RPL22L1: variants seen among roughly 807,000 people sequenced by gnomAD.
The protein encoded by RPL22L1 is ribosomal protein eL22-like.
A neutral mutation model predicts 17.3 loss-of-function variants in RPL22L1; 19 were observed. The ratio of observed to expected loss-of-function variants is 1.10; its 90% CI spans 0.77 to 1.61. The LOEUF (loss-of-function observed/expected upper bound fraction) is 1.61. RPL22L1 is among the 40% of genes most tolerant of loss of function. The pLI, the probability that RPL22L1 is intolerant of heterozygous loss-of-function variation, is 0.00. For synonymous variants in RPL22L1, 48 were observed against 48.5 expected, an observed-to-expected ratio of 0.99 and a Z score of 0.05; for missense variants, 139 against 144.4, an observed-to-expected ratio of 0.96 and a Z score of 0.19.
chr3:170,868,263 G>GTAATTGATAACCATTATCA, intron 2 of RPL22L1, 35 bp downstream of exon 2: 2 of 1,504,298 alleles, frequency 1.3e-6, no homozygotes, highest in South Asian at 2.3e-5. Context: ...CAATAACTCT[G>GTAATTGATAACCATTATCA]ATTACAAAAA....
chr3:170,868,224 T>C (rs765323078), intron 2 of RPL22L1, 74 bp downstream of exon 2: 65 of 1,448,184 alleles, frequency 4.5e-5, no homozygotes, highest in Non-Finnish European at 5.9e-5. Flanking sequence ...CTTAGGTTAT[T>C]ATCAAATACT....
At position 170,865,728 on chromosome 3, in the gene RPL22L1, A is replaced by G. The variant is rs2108278883; in HGVS notation, c.*652T>C. 1 of 152,386 alleles carries G rather than the reference A, an allele frequency of 6.6e-6. No homozygotes were observed. The highest frequency in any genetic ancestry group is 2.4e-5 in the African/African-American group (1 of 41,592). The allele number at this position is 152,386 out of a possible 1,614,324, so 9.4% of individuals were successfully genotyped here. A position where few individuals can be genotyped will look rare whatever the true frequency, so the allele number is the denominator to read the frequency against. ...GAGTCTTTGGGCTAACTATAAGAGC[A>G]AACTACAGAGCAACTTATATGTAAG... is the stretch of plus-strand genomic sequence containing the variant. On this transcript the variant is annotated 3_prime_UTR_variant, in exon 4 of 4. Coordinates refer to ENST00000295830, the MANE Select transcript of RPL22L1 (RefSeq NM_001099645.2).
At chr3:170,866,562 A>G (rs1711773584) in intron 3 of RPL22L1, 38 bp from the exon 4 acceptor site, 5 of 1,445,906 alleles carry the variant, frequency 3.5e-6, no homozygotes, top group Non-Finnish European at 4.7e-6. Flanking sequence ...TAAGAAATAC[A>G]ATTCCTACTA....
intron 1 of RPL22L1, among the ~76,000 whole-genome samples, chr3:170,868,596 T>C (rs1163080893): frequency 6.6e-6 from 1 of 151,982 alleles, no homozygotes; most frequent in Non-Finnish European, 1.5e-5. Context: ...GTTCAAGTTG[T>C]CAAAAAGTTA....
rs188298446 is a variant in RPL22L1 at position 170,870,045 on chromosome 3, A to G, written c.9+114T>C. On this transcript the variant is annotated intron_variant, in intron 1 of 3. Transcript: ENST00000295830. The stretch of plus-strand genomic sequence containing the variant: ...TTGTGTTTCTGACCCAGACTTCACT[A>G]CTCCCCTCCCTTTATCTTGACTGAG... The G allele has an allele frequency of 8.9e-3, 12,990 of 1,464,822 alleles. 86 individuals are homozygous for G. The highest frequency in any genetic ancestry group is 0.024 in the Middle Eastern group (137 of 5,796). The allele number at this position is 1,464,822 out of a possible 1,614,324, so 90.7% of individuals were successfully genotyped here.
chr3:170,868,451 A>C, intron 1 of RPL22L1, 61 bp from the exon 2 acceptor site: 1 of 1,044,358 alleles, frequency 9.6e-7, no homozygotes, highest in Non-Finnish European at 1.5e-6. Context: ...TTATATAAAC[A>C]ATTTTAAAGT....
Position 170,865,619 on chromosome 3 carries a change from T to G in RPL22L1, c.*761A>C, listed in dbSNP as rs1711724940. Reference sequence around the variant, plus strand: ...TCTGTAGCTGAGTTGAGATTTGGTTTTGAGTTTCTGGTGCCTACAAAGCAG... The same window carrying G: ...TCTGTAGCTGAGTTGAGATTTGGTTGTGAGTTTCTGGTGCCTACAAAGCAG... On this transcript the variant is annotated 3_prime_UTR_variant, in exon 4 of 4. Transcript: ENST00000295830. 1 of 152,154 alleles carries G rather than the reference T, an allele frequency of 6.6e-6. No individual in the cohort carries two copies. Among genetic ancestry groups the G allele is most frequent in the South Asian group, 2.1e-4 (1 of 4,820 alleles). The allele number at this position is 152,154 out of a possible 1,614,324, so 9.4% of individuals were successfully genotyped here.
chr3:170,868,835 G>C (rs939471108), intron 1 of RPL22L1, among the ~76,000 whole-genome samples: 1 of 148,914 alleles, frequency 6.7e-6, no homozygotes, highest in Non-Finnish European at 1.5e-5. Context: ...AAAAGAAAAA[G>C]AAAAAATAAA....
chr3:170,867,654 C>G (rs1420797677), intron 3 of RPL22L1, among the ~76,000 whole-genome samples: 1 of 152,108 alleles, frequency 6.6e-6, no homozygotes, highest in Non-Finnish European at 1.5e-5. Flanking sequence ...TAACTGGCTA[C>G]CTCTACTGAA....
intron 1 of RPL22L1, among the ~76,000 whole-genome samples, chr3:170,869,497 T>C (rs1454134355): frequency 1.3e-5 from 2 of 152,202 alleles, no homozygotes; most frequent in African/African-American, 2.4e-5. Flanking sequence ...AGCCCAGCAA[T>C]TTTATCCTAA....
intron 1 of RPL22L1, among the ~76,000 whole-genome samples, chr3:170,869,777 C>T (rs1001383133): frequency 2.6e-5 from 4 of 152,074 alleles, no homozygotes; most frequent in South Asian, 2.1e-4. Flanking sequence ...GTCGTCAGAC[C>T]GGCCCGATTA....
chr3:170,867,276 C>T (rs937741035), intron 3 of RPL22L1, among the ~76,000 whole-genome samples: 1 of 152,204 alleles, frequency 6.6e-6, no homozygotes, highest in African/African-American at 2.4e-5. Flanking sequence ...CCTCCAATCT[C>T]ATGCATTCCT....
intron 1 of RPL22L1, among the ~76,000 whole-genome samples, chr3:170,868,987 G>A (rs1163831992): frequency 6.6e-6 from 1 of 151,758 alleles, no homozygotes; most frequent in Non-Finnish European, 1.5e-5. Flanking sequence ...CAGGTGTGGT[G>A]GTGCATGCTT....
At position 170,870,175 on chromosome 3, in the gene RPL22L1, G is replaced by A; in HGVS notation, c.-8C>T. The A allele has an allele frequency of 1.9e-6, 3 of 1,613,870 alleles. No individual in the cohort carries two copies. Among genetic ancestry groups the A allele is most frequent in the East Asian group, 2.2e-5 (1 of 44,858 alleles). On this transcript the variant is annotated 5_prime_UTR_variant, in exon 1 of 4. Coordinates refer to ENST00000295830, the MANE Select transcript of RPL22L1 (RefSeq NM_001099645.2). ...CTCACTCACCGGCGCCATCTTGCGA[G>A]TCGGCCGCGAGAGCAGAGAGGAAGC...
chr3:170,867,576 A>G (rs944065059), intron 3 of RPL22L1, among the ~76,000 whole-genome samples: 5 of 152,196 alleles, frequency 3.3e-5, no homozygotes, highest in Non-Finnish European at 7.3e-5. Context: ...CTGCCCATGT[A>G]GTATTTAATA....
In RPL22L1 at chr3:170,866,329, A is replaced by G; in HGVS notation, c.*51T>C. On this transcript the variant is annotated 3_prime_UTR_variant, in exon 4 of 4. Transcript: ENST00000295830. The stretch of plus-strand genomic sequence containing the variant: ...GCCAATTTCTTGGTATTTCTCATGT[A>G]TACTTCATTTATTTTATTAATAAGC... The G allele has an allele frequency of 1.4e-6, 2 of 1,465,672 alleles. No homozygotes were observed. Among genetic ancestry groups the G allele is most frequent in the South Asian group, 2.7e-5 (2 of 74,634 alleles). The allele number at this position is 1,465,672 out of a possible 1,614,324, so 90.8% of individuals were successfully genotyped here. A position where few individuals can be genotyped will look rare whatever the true frequency, so the allele number is the denominator to read the frequency against.
At chr3:170,867,885 T>G (rs1711829332) in intron 3 of RPL22L1, 128 bp downstream of exon 3, 1 of 767,520 alleles carries the variant, frequency 1.3e-6, no homozygotes, top group Non-Finnish European at 2.0e-6. Context: ...AATTTCCCAT[T>G]TATGTAGGCC....
At chr3:170,868,820 A>AG (rs1711874461) in intron 1 of RPL22L1, among the ~76,000 whole-genome samples, 1 of 124,936 alleles carries the variant, frequency 8.0e-6, no homozygotes, top group East Asian at 2.0e-4. Flanking sequence ...AAAAAAAAAG[A>AG]AAAGAAAAGA....
At chr3:170,867,744 T>C (rs1465649951) in intron 3 of RPL22L1, among the ~76,000 whole-genome samples, 1 of 152,194 alleles carries the variant, frequency 6.6e-6, no homozygotes, top group Admixed American at 6.5e-5. Flanking sequence ...GTACTCAGCA[T>C]TAAAGGTTAT....
Sources: gnomAD v4.1 joint callset for allele counts (sites outside exome capture counted in the v4.1 genomes callset) on GRCh38, gnomAD v4.1.1 for gene constraint, MANE v1.5 for transcripts, NCBI Gene and HGNC (gene_info 2026-07-23, HGNC 2026-07-21) for gene names.